The following INSYN2B variants were observed in gnomAD, a reference collection of about 807,000 sequenced individuals.
The protein encoded by INSYN2B is inhibitory synaptic factor family member 2B.
In INSYN2B, 16 loss-of-function variants were observed where a neutral mutation model predicts 41.2. That is an observed-to-expected ratio of 0.39 (90% CI 0.26 to 0.59). The LOEUF is 0.59. Among genes scored for constraint, INSYN2B ranks in the 20% least tolerant of loss-of-function variants. The pLI is 0.57. For synonymous variants in INSYN2B, 245 were observed against 244.4 expected, an observed-to-expected ratio of 1.00 and a Z score of -0.02; for missense variants, 608 against 646.4, an observed-to-expected ratio of 0.94 and a Z score of 0.64.
intron 1 of INSYN2B, among the ~76,000 whole-genome samples, chr5:169,945,100 C>T (rs1025707713): frequency 1.3e-5 from 2 of 152,160 alleles, no homozygotes; most frequent in Non-Finnish European, 2.9e-5. Flanking sequence ...ATTAGGGAAC[C>T]GACTGTGGTT....
rs949497387 is a variant in INSYN2B at position 169,881,258 on chromosome 5, T to C, written c.1421+110A>G. On this transcript the variant is annotated intron_variant, in intron 3 of 3. Transcript: ENST00000377365. The stretch of plus-strand genomic sequence containing the variant: ...CAGATGTTAACATTTCATAGTTAAA[T>C]ACCTTGTTTTTGCCTCTCTTGACTT... The C allele has an allele frequency of 4.7e-6, 4 of 845,038 alleles. No individual in the cohort carries two copies. In the African/African-American group the frequency reaches 6.8e-5, roughly 14 times the overall value. The allele number at this position is 845,038 out of a possible 1,614,324, so 52.3% of individuals were successfully genotyped here.
intron 1 of INSYN2B, among the ~76,000 whole-genome samples, chr5:169,919,006 G>A (rs774187940): frequency 6.6e-6 from 1 of 152,174 alleles, no homozygotes; most frequent in Non-Finnish European, 1.5e-5. Context: ...AGTAACAAGG[G>A]TTATGTTGGA....
At chr5:169,891,956 A>G (rs946642225) in intron 1 of INSYN2B, among the ~76,000 whole-genome samples, 4 of 149,492 alleles carry the variant, frequency 2.7e-5, no homozygotes, top group East Asian at 2.0e-4. Flanking sequence ...AGATTGTGCC[A>G]TTGCACTCCA....
At chr5:169,979,748 G>T (rs1425866082) in intron 1 of INSYN2B, among the ~76,000 whole-genome samples, 4 of 152,148 alleles carry the variant, frequency 2.6e-5, no homozygotes, top group African/African-American at 9.7e-5. Context: ...CACGCAACCG[G>T]GTTTTTCTAC....
intron 3 of INSYN2B, among the ~76,000 whole-genome samples, chr5:169,866,447 C>T (rs144615500): frequency 1.7e-4 from 26 of 152,206 alleles, no homozygotes; most frequent in Admixed American, 3.3e-4. Flanking sequence ...CAAAGGACCT[C>T]AGTGAAGCTT....
At chr5:169,945,162 T>G (rs1390250720) in intron 1 of INSYN2B, among the ~76,000 whole-genome samples, 1 of 152,112 alleles carries the variant, frequency 6.6e-6, no homozygotes, top group Admixed American at 6.5e-5. Flanking sequence ...GTTAAAAAGG[T>G]GTGGGTTAAA....
chr5:169,925,464 C>T (rs1313967114), intron 1 of INSYN2B, among the ~76,000 whole-genome samples: 2 of 151,568 alleles, frequency 1.3e-5, no homozygotes, highest in African/African-American at 2.4e-5. Flanking sequence ...CCTGTAATCC[C>T]AGCTACTTGG....
intron 1 of INSYN2B, among the ~76,000 whole-genome samples, chr5:169,909,134 A>G (rs1222421810): frequency 1.3e-5 from 2 of 152,160 alleles, no homozygotes; most frequent in Admixed American, 6.5e-5. Context: ...CTGTGCCTCC[A>G]TTTCTAAAGC....
chr5:169,897,718 C>T (rs999092578), intron 1 of INSYN2B, among the ~76,000 whole-genome samples: 4 of 152,146 alleles, frequency 2.6e-5, no homozygotes, highest in Non-Finnish European at 4.4e-5. Flanking sequence ...GGGTGAGCTC[C>T]CTGTCCATGC....
chr5:169,877,539 G>T (rs772686010), intron 3 of INSYN2B, among the ~76,000 whole-genome samples: 1 of 152,188 alleles, frequency 6.6e-6, no homozygotes, highest in African/African-American at 2.4e-5. Flanking sequence ...GTTGAACAAA[G>T]TAAATATGGG....
chr5:169,910,756 T>C (rs995620627), intron 1 of INSYN2B, among the ~76,000 whole-genome samples: 1 of 152,212 alleles, frequency 6.6e-6, no homozygotes. Flanking sequence ...GACTGATGAC[T>C]AAACTTTTTA....
chr5:169,979,727 G>A (rs1047757757), intron 1 of INSYN2B, among the ~76,000 whole-genome samples: 7 of 152,132 alleles, frequency 4.6e-5, no homozygotes, highest in African/African-American at 7.2e-5. Context: ...ACTACAAATC[G>A]TACCAAAAGG....
At chr5:169,955,044 C>A (rs1776807726) in intron 1 of INSYN2B, among the ~76,000 whole-genome samples, 1 of 152,230 alleles carries the variant, frequency 6.6e-6, no homozygotes, top group Admixed American at 6.5e-5. Context: ...AGGTCTCCAC[C>A]AGCCAAGAGC....
intron 1 of INSYN2B, among the ~76,000 whole-genome samples, chr5:169,919,015 G>T (rs144919936): frequency 0.019 from 2,941 of 152,304 alleles, 95 homozygotes; most frequent in South Asian, 0.11. Flanking sequence ...GGTTATGTTG[G>T]ATAGAAGTGA....
In INSYN2B at chr5:169,893,238, G is replaced by GGCT. The variant is rs148410878; in HGVS notation, c.-918-8425_-918-8423dup. 1.3e-3 allele frequency among the ~76,000 whole-genome samples: 195 copies of GGCT among 151,986 alleles called. 1 individual carries two copies. Among genetic ancestry groups the GGCT allele is most frequent in the South Asian group, 4.0e-3 (19 of 4,810 alleles). Reference sequence around the variant, plus strand: ...ATTCACCCCTCTAGCCAGAGGCATTGGCTGCTGCTGCTGCTGCTGCTGAAT... The same window carrying GGCT: ...ATTCACCCCTCTAGCCAGAGGCATTGGCTGCTGCTGCTGCTGCTGCTGCTGAAT... On this transcript the variant is annotated intron_variant, in intron 1 of 3. Transcript: ENST00000377365.
intron 1 of INSYN2B, among the ~76,000 whole-genome samples, chr5:169,952,836 G>A (rs951888438): frequency 6.6e-5 from 10 of 152,128 alleles, no homozygotes; most frequent in South Asian, 2.1e-4. Flanking sequence ...AGTGAGAAAT[G>A]AATGGAAAGA....
intron 3 of INSYN2B, among the ~76,000 whole-genome samples, chr5:169,880,965 T>C (rs998297741): frequency 1.2e-4 from 18 of 152,166 alleles, no homozygotes; most frequent in African/African-American, 4.3e-4. Flanking sequence ...GAAGAGGCAG[T>C]GTGGTGGAAT....
intron 1 of INSYN2B, among the ~76,000 whole-genome samples, chr5:169,920,903 A>G (rs1256736108): frequency 6.6e-6 from 1 of 152,154 alleles, no homozygotes; most frequent in African/African-American, 2.4e-5. Context: ...GTTTTCCTAG[A>G]GATCAGCAGC....
chr5:169,972,903 AC>A (rs904571039), intron 1 of INSYN2B, among the ~76,000 whole-genome samples: 29 of 151,830 alleles, frequency 1.9e-4, no homozygotes, highest in African/African-American at 6.3e-4. Flanking sequence ...CCAAGCAACC[AC>A]CCCCCTCCCC....
Sources: allele counts gnomAD v4.1 joint callset (sites outside exome capture counted in the v4.1 genomes callset), GRCh38; gene constraint gnomAD v4.1.1; transcripts MANE v1.5; gene names NCBI Gene and HGNC (gene_info 2026-07-23, HGNC 2026-07-21).